FAAP20: variants seen among roughly 807,000 people sequenced by gnomAD.
The protein encoded by FAAP20 is Fanconi anemia core complex-associated protein 20.
In FAAP20, 12 loss-of-function variants were observed where a neutral mutation model predicts 16.2. The ratio of observed to expected loss-of-function variants is 0.74; its 90% CI spans 0.48 to 1.20. The LOEUF is 1.20. Among genes scored for constraint, FAAP20 ranks in the 50% most tolerant of loss-of-function variants. The probability of loss-of-function intolerance (pLI) is 0.00; values close to 1 mark genes in which losing one functional copy is unlikely to be tolerated. For missense variants in FAAP20, 288 were observed against 245.8 expected (o/e 1.17, Z -1.15); for synonymous variants, 141 against 110.7 (o/e 1.27, Z -1.72).
chr1:2,193,673 T>A lies in FAAP20; in HGVS notation c.436A>T (p.Ser146Cys). ...AACTCCTTCTGGCACATGGGGCAGC[T>A]GCGCAGGGCCGCGGCACCCTCCACA... ...PSVEGAAALR[S>C]CPMCQKEFAP... Residue 146 changes from serine to cysteine, a missense_variant, in exon 3 of 4, where the codon AGC becomes TGC. Coordinates refer to ENST00000378546, the MANE Select transcript of FAAP20 (RefSeq NM_182533.4). 1 of 1,600,530 alleles carries A rather than the reference T, an allele frequency of 6.2e-7. No individual in the cohort carries two copies. The highest frequency in any genetic ancestry group is 8.5e-7 in the Non-Finnish European group (1 of 1,176,258).
At chr1:2,201,127 G>A, upstream of FAAP20, 1 of 1,284,004 alleles carries the variant, frequency 7.8e-7, no homozygotes, top group Non-Finnish European at 1.0e-6. Flanking sequence ...TGAACTGTGG[G>A]CTCCAACCCT....
intron 3 of FAAP20, among the ~76,000 whole-genome samples, chr1:2,205,359 A>G (rs1196627825): frequency 1.0e-5 from 1 of 98,838 alleles, no homozygotes; most frequent in African/African-American, 4.0e-5. Flanking sequence ...ACCCCGCCCC[A>G]GCTGTGTCCT....
upstream of FAAP20, among the ~76,000 whole-genome samples, chr1:2,202,045 G>GA (rs1158136145): frequency 2.5e-3 from 375 of 151,334 alleles, 3 homozygotes; most frequent in African/African-American, 8.7e-3. Context: ...AGAAGAAGAA[G>GA]AAAAAGAAAA....
chr1:2,202,308 G>A (rs943397449), upstream of FAAP20, among the ~76,000 whole-genome samples: 2 of 152,100 alleles, frequency 1.3e-5, no homozygotes, highest in African/African-American at 2.4e-5. Context: ...CCATCACCAC[G>A]AGCCCCAGCT....
chr1:2,200,719 G>C (rs536282785), upstream of FAAP20: 64 of 987,624 alleles, frequency 6.5e-5, no homozygotes, highest in African/African-American at 9.9e-4. Flanking sequence ...GCTTGAAAAC[G>C]CTGAGCCCAG....
At chr1:2,203,290 C>T, upstream of FAAP20, 2 of 504,940 alleles carry the variant, frequency 4.0e-6, no homozygotes, top group Non-Finnish European at 5.1e-6. Context: ...GAGACAAGCC[C>T]CGCCCTCCCT....
In FAAP20 at chr1:2,192,093, G is replaced by A. The variant is rs1156535870; in HGVS notation, c.470+1546C>T. 1.2e-5 allele frequency: 12 copies of A among 985,392 alleles called. No homozygotes were observed. The South Asian group carries it at 2.3e-4, about 19-fold the overall frequency. 61.0% of individuals were successfully genotyped at this position (985,392 alleles called of 1,614,324 possible). A position where few individuals can be genotyped will look rare whatever the true frequency, so the allele number is the denominator to read the frequency against. ...AGCAGGCGCCTGTGCGGGACAGGGC[G>A]ACGGTTCAAGACCAAGTCCGGCTGT... On this transcript the variant is annotated intron_variant, in intron 3 of 3. Transcript: ENST00000378546.
At chr1:2,189,838 A>G (rs989128121) in intron 3 of FAAP20, 57 bp from the exon 4 acceptor site, 23 of 1,365,398 alleles carry the variant, frequency 1.7e-5, no homozygotes, top group African/African-American at 2.9e-5. Flanking sequence ...GGCCGCAGAG[A>G]GCACCGTCTG....
downstream of FAAP20, chr1:2,185,215 T>C (rs1357957335): frequency 1.4e-5 from 10 of 706,704 alleles, no homozygotes; most frequent in Non-Finnish European, 2.3e-5. Context: ...AGCTTCGTGC[T>C]GGAGGAACTT....
At chr1:2,210,401 C>A (rs410161), downstream of FAAP20, among the ~76,000 whole-genome samples, 30,809 of 152,116 alleles carry the variant, frequency 0.2, 5,178 homozygotes, top group African/African-American at 0.46. Flanking sequence ...GCTCCAGCCC[C>A]CCACGGCGCC....
At chr1:2,209,244 G>C (rs564653617), downstream of FAAP20, among the ~76,000 whole-genome samples, 1 of 151,576 alleles carries the variant, frequency 6.6e-6, no homozygotes, top group Non-Finnish European at 1.5e-5. Context: ...GCTGGCCCCC[G>C]CCCCGAAAGC....
chr1:2,210,829 G>A (rs1689415439), downstream of FAAP20, among the ~76,000 whole-genome samples: 1 of 152,226 alleles, frequency 6.6e-6, no homozygotes, highest in Non-Finnish European at 1.5e-5. Flanking sequence ...CTCAATTTGG[G>A]CTGAGGGCAG....
chr1:2,191,383 G>C (rs539811866), intron 3 of FAAP20: 1 of 152,452 alleles, frequency 6.6e-6, no homozygotes, highest in Non-Finnish European at 1.5e-5. Context: ...TGGCTTCTGC[G>C]TGTGGGCAGG....
downstream of FAAP20, chr1:2,184,977 C>T (rs756748776): frequency 6.2e-7 from 1 of 1,613,878 alleles, no homozygotes; most frequent in Non-Finnish European, 8.5e-7. Flanking sequence ...GTATATCAAC[C>T]CATTATTGCT....
chr1:2,205,871 C>A (rs1188107685), intron 3 of FAAP20, among the ~76,000 whole-genome samples: 2 of 152,258 alleles, frequency 1.3e-5, no homozygotes, highest in Non-Finnish European at 2.9e-5. Flanking sequence ...GGGCCTGCGC[C>A]CCCTACCCGG....
chr1:2,211,382 A>C (rs1569622729), downstream of FAAP20, among the ~76,000 whole-genome samples: 1 of 101,316 alleles, frequency 9.9e-6, no homozygotes, highest in South Asian at 3.9e-4. Context: ...GGTACCTGCC[A>C]CCACGCCTGG....
At chr1:2,198,542 T>G (rs1329325763), upstream of FAAP20, 1 of 634,658 alleles carries the variant, frequency 1.6e-6, no homozygotes, top group Admixed American at 3.8e-5. Flanking sequence ...TGCCCAGCGC[T>G]GACACCCTGC....
chr1:2,191,518 C>T (rs547344860), intron 3 of FAAP20: 12 of 152,580 alleles, frequency 7.9e-5, no homozygotes, highest in East Asian at 1.9e-4. Flanking sequence ...GAGGCCGAGA[C>T]GGGCGGATCA....
At chr1:2,212,668 A>G (rs2503715), upstream of FAAP20, 233,111 of 262,146 alleles carry the variant, frequency 0.89, 104,042 homozygotes, top group East Asian at 0.97. Context: ...GCAAACCCAA[A>G]AGGGTGTAAG....
Sources: allele counts gnomAD v4.1 joint callset (sites outside exome capture counted in the v4.1 genomes callset), GRCh38; gene constraint gnomAD v4.1.1; transcripts MANE v1.5; gene names NCBI Gene and HGNC (gene_info 2026-07-23, HGNC 2026-07-21).